The following SLC39A10 variants were observed in gnomAD, a reference collection of about 807,000 sequenced individuals.
The protein encoded by SLC39A10 is solute carrier family 39 member 10.
A neutral mutation model predicts 65.1 loss-of-function variants in SLC39A10; 13 were observed. The observed-to-expected ratio is 0.20, with a 90% confidence interval of 0.13 to 0.32. The LOEUF is 0.32. SLC39A10 is among the 10% of genes least tolerant of loss of function. The pLI is 1.00. For synonymous variants in SLC39A10, 321 were observed against 342.2 expected (o/e 0.94, Z 0.68); for missense variants, 831 against 1,018.4 (o/e 0.82, Z 2.50).
chr2:195,690,733 G>A (rs570365357), intron 3 of SLC39A10, among the ~76,000 whole-genome samples: 2 of 152,078 alleles, frequency 1.3e-5, no homozygotes, highest in South Asian at 4.2e-4. Flanking sequence ...TTTTGTTGTT[G>A]AATTTTAGGA....
At chr2:195,694,730 C>A (rs1389229319) in intron 3 of SLC39A10, among the ~76,000 whole-genome samples, 1 of 152,100 alleles carries the variant, frequency 6.6e-6, no homozygotes, top group Non-Finnish European at 1.5e-5. Flanking sequence ...TGGTTGGCAT[C>A]GAGCCAGGAT....
intron 3 of SLC39A10, among the ~76,000 whole-genome samples, chr2:195,686,644 C>T (rs1057217580): frequency 1.3e-5 from 2 of 152,196 alleles, no homozygotes; most frequent in African/African-American, 4.8e-5. Flanking sequence ...TTATTAAACC[C>T]ACTATACAGG....
intron 2 of SLC39A10, among the ~76,000 whole-genome samples, chr2:195,681,544 A>C (rs1398874103): frequency 6.6e-6 from 1 of 152,154 alleles, no homozygotes; most frequent in East Asian, 1.9e-4. Context: ...AAGAAAAAAG[A>C]TTTTTAAAAT....
chr2:195,621,805 T>A (rs1018460401), intron 2 of SLC39A10, among the ~76,000 whole-genome samples: 2 of 152,202 alleles, frequency 1.3e-5, no homozygotes, highest in Admixed American at 1.3e-4. Flanking sequence ...AAGTTACCTA[T>A]GATCATAATA....
intron 1 of SLC39A10, among the ~76,000 whole-genome samples, chr2:195,657,774 C>T (rs910404373): frequency 2.6e-5 from 4 of 152,112 alleles, no homozygotes; most frequent in African/African-American, 7.2e-5. Context: ...ACCAGCGCCC[C>T]GGTTTTTTCT....
chr2:195,666,137 CTA>C (rs1195554820), intron 1 of SLC39A10, among the ~76,000 whole-genome samples: 1 of 152,076 alleles, frequency 6.6e-6, no homozygotes. Flanking sequence ...GGTCAAGACT[CTA>C]TGTTCAAGAA....
At chr2:195,631,348 T>TA (rs1015475619) in intron 2 of SLC39A10, among the ~76,000 whole-genome samples, 2 of 151,744 alleles carry the variant, frequency 1.3e-5, no homozygotes, top group African/African-American at 2.4e-5. Flanking sequence ...AACTTGTACT[T>TA]AAAAAAAAGA....
chr2:195,666,393 G>A (rs928429156), intron 1 of SLC39A10, among the ~76,000 whole-genome samples: 13 of 152,242 alleles, frequency 8.5e-5, no homozygotes, highest in Admixed American at 2.6e-4. Flanking sequence ...AAAAAGGGAA[G>A]GGTGAAAATG....
chr2:195,658,195 G>A (rs1689239968), intron 1 of SLC39A10: 2 of 152,422 alleles, frequency 1.3e-5, no homozygotes, highest in Non-Finnish European at 2.9e-5. Context: ...TAAGAAGGGC[G>A]GGGGCCTTGC....
chr2:195,666,120 G>A (rs1431552660), intron 1 of SLC39A10, among the ~76,000 whole-genome samples: 1 of 152,020 alleles, frequency 6.6e-6, no homozygotes, highest in East Asian at 1.9e-4. Flanking sequence ...ATAAGAAAGG[G>A]GAATGTGGTC....
intron 2 of SLC39A10, among the ~76,000 whole-genome samples, chr2:195,623,412 A>G (rs761459102): frequency 3.3e-5 from 5 of 152,230 alleles, no homozygotes; most frequent in Non-Finnish European, 7.3e-5. Context: ...GCCGTGTTGT[A>G]TAATTTATTG....
intron 2 of SLC39A10, among the ~76,000 whole-genome samples, chr2:195,618,097 C>T (rs1333766772): frequency 6.6e-6 from 1 of 151,802 alleles, no homozygotes; most frequent in African/African-American, 2.4e-5. Flanking sequence ...CACCTGTAAT[C>T]CCAGTACTTT....
chr2:195,649,209 T>C (rs1688984412), intron 2 of SLC39A10, among the ~76,000 whole-genome samples: 1 of 152,234 alleles, frequency 6.6e-6, no homozygotes, highest in African/African-American at 2.4e-5. Flanking sequence ...GATGGGATTC[T>C]ATGAAGAATG....
intron 3 of SLC39A10, 63 bp from the exon 4 acceptor site, chr2:195,706,553 T>C: frequency 7.0e-7 from 1 of 1,436,510 alleles, no homozygotes; most frequent in South Asian, 1.2e-5. Flanking sequence ...ATTTTTATTC[T>C]TTTTGGTAGT....
chr2:195,720,993 G>T (rs1211407891), intron 8 of SLC39A10, among the ~76,000 whole-genome samples: 2 of 152,180 alleles, frequency 1.3e-5, no homozygotes, highest in Non-Finnish European at 2.9e-5. Flanking sequence ...CCAGGCTGGA[G>T]TGCAGTGGCT....
At chr2:195,694,665 A>G (rs1690871892) in intron 3 of SLC39A10, among the ~76,000 whole-genome samples, 1 of 152,094 alleles carries the variant, frequency 6.6e-6, no homozygotes, top group African/African-American at 2.4e-5. Flanking sequence ...GGAGAGTGAA[A>G]TGGACACTGT....
intron 3 of SLC39A10, among the ~76,000 whole-genome samples, chr2:195,693,961 C>G (rs1690843069): frequency 6.6e-6 from 1 of 152,122 alleles, no homozygotes; most frequent in South Asian, 2.1e-4. Context: ...ACTTTTAGCA[C>G]TGCTTTTGCT....
intron 3 of SLC39A10, among the ~76,000 whole-genome samples, chr2:195,703,890 T>A (rs1691292997): frequency 6.6e-6 from 1 of 152,128 alleles, no homozygotes; most frequent in Non-Finnish European, 1.5e-5. Context: ...CTGACCTTAA[T>A]CAGCCTGTCT....
intron 2 of SLC39A10, among the ~76,000 whole-genome samples, chr2:195,618,208 G>A (rs1688267663): frequency 1.3e-5 from 2 of 151,954 alleles, no homozygotes; most frequent in South Asian, 4.1e-4. Flanking sequence ...AAAATTAGCA[G>A]GGCATGGTGG....
Sources: allele counts gnomAD v4.1 joint callset (sites outside exome capture counted in the v4.1 genomes callset), GRCh38; gene constraint gnomAD v4.1.1; transcripts MANE v1.5; gene names NCBI Gene and HGNC (gene_info 2026-07-23, HGNC 2026-07-21).